The following TTC39B variants were observed in gnomAD, a reference collection of about 807,000 sequenced individuals.
TTC39B encodes the protein tetratricopeptide repeat domain 39B.
A neutral mutation model predicts 96.6 loss-of-function variants in TTC39B; 92 were observed. The observed-to-expected ratio is 0.95, with a 90% CI of 0.80 to 1.13. TTC39B has a LOEUF of 1.13. TTC39B is among the 50% of genes most tolerant of loss of function. TTC39B has a pLI of 0.00. For missense variants in TTC39B, 955 were observed against 809.3 expected (o/e 1.18, Z -2.18); for synonymous variants, 367 against 299.4 (o/e 1.23, Z -2.33).
intron 8 of TTC39B, among the ~76,000 whole-genome samples, chr9:15,193,202 C>T (rs1332318123): frequency 1.3e-5 from 2 of 152,202 alleles, no homozygotes; most frequent in Non-Finnish European, 2.9e-5. Flanking sequence ...ATCACAATGG[C>T]CCCATCTGTC....
chr9:15,293,893 C>G (rs752041557), intron 1 of TTC39B, among the ~76,000 whole-genome samples: 2 of 152,168 alleles, frequency 1.3e-5, no homozygotes, highest in African/African-American at 2.4e-5. Context: ...GGGCTGTAAC[C>G]AATCCAGCTG....
At chr9:15,251,961 A>G (rs992708281) in intron 2 of TTC39B, among the ~76,000 whole-genome samples, 2 of 152,072 alleles carry the variant, frequency 1.3e-5, no homozygotes, top group East Asian at 3.9e-4. Context: ...AGCAGAGCCC[A>G]CAAGGTCCCT....
intron 8 of TTC39B, among the ~76,000 whole-genome samples, chr9:15,196,907 C>T (rs540433259): frequency 1.3e-5 from 2 of 152,142 alleles, no homozygotes; most frequent in Non-Finnish European, 2.9e-5. Context: ...ATTGCCATAG[C>T]CACCCCAACC....
At chr9:15,200,210 T>C (rs575412515) in intron 7 of TTC39B, among the ~76,000 whole-genome samples, 17 of 152,258 alleles carry the variant, frequency 1.1e-4, no homozygotes, top group Non-Finnish European at 2.4e-4. Flanking sequence ...CCATATGCGG[T>C]CCAAATTATT....
At chr9:15,290,783 C>T (rs570382088) in intron 1 of TTC39B, among the ~76,000 whole-genome samples, 5 of 152,178 alleles carry the variant, frequency 3.3e-5, no homozygotes, top group Admixed American at 1.3e-4. Context: ...TTCCTGCTTT[C>T]CCCTTCTGCC....
intron 1 of TTC39B, among the ~76,000 whole-genome samples, chr9:15,272,594 G>A (rs1823397156): frequency 2.0e-5 from 3 of 152,146 alleles, no homozygotes; most frequent in Admixed American, 2.0e-4. Flanking sequence ...TGTAACAGAT[G>A]TTTTCATTGA....
At chr9:15,268,157 A>G (rs1823207893) in intron 1 of TTC39B, among the ~76,000 whole-genome samples, 1 of 151,872 alleles carries the variant, frequency 6.6e-6, no homozygotes, top group Non-Finnish European at 1.5e-5. Context: ...TTTTTTTTTT[A>G]ATAAGGCTGG....
At chr9:15,222,379 G>C (rs1184410987) in intron 3 of TTC39B, among the ~76,000 whole-genome samples, 1 of 152,126 alleles carries the variant, frequency 6.6e-6, no homozygotes, top group African/African-American at 2.4e-5. Flanking sequence ...AACCACACAG[G>C]TGTGGTTCAT....
chr9:15,299,911 G>T (rs917931437), intron 1 of TTC39B, among the ~76,000 whole-genome samples: 1 of 152,028 alleles, frequency 6.6e-6, no homozygotes, highest in Non-Finnish European at 1.5e-5. Flanking sequence ...GAAGGAAGTG[G>T]GTATCCAGGT....
At chr9:15,177,850 G>GA (rs1564311417) in intron 17 of TTC39B, 36 bp from the exon 18 acceptor site, 1 of 653,502 alleles carries the variant, frequency 1.5e-6, no homozygotes, top group East Asian at 3.3e-5. Flanking sequence ...AACACACAAA[G>GA]AAAAATACTT....
intron 2 of TTC39B, among the ~76,000 whole-genome samples, chr9:15,244,599 T>C (rs1355464649): frequency 1.3e-5 from 2 of 152,024 alleles, no homozygotes; most frequent in African/African-American, 4.8e-5. Context: ...TATAGAGGAG[T>C]ATAGTGGTGC....
chr9:15,166,631 A>G (rs1817521829), exon 20 of TTC39B: 1 of 152,120 alleles, frequency 6.6e-6, no homozygotes, highest in Non-Finnish European at 1.5e-5. Context: ...AACATTTCAA[A>G]ATAACTAAAT....
intron 1 of TTC39B, among the ~76,000 whole-genome samples, chr9:15,279,177 G>A (rs1210327562): frequency 6.6e-6 from 1 of 152,250 alleles, no homozygotes; most frequent in African/African-American, 2.4e-5. Flanking sequence ...GCAGTTGAAA[G>A]TCTCTGGTGT....
At chr9:15,289,848 T>A (rs2131600192) in intron 1 of TTC39B, among the ~76,000 whole-genome samples, 1 of 152,296 alleles carries the variant, frequency 6.6e-6, no homozygotes, top group Non-Finnish European at 1.5e-5. Context: ...AAAGTCATCA[T>A]CCATATGAAC....
intron 15 of TTC39B, among the ~76,000 whole-genome samples, chr9:15,186,058 A>T (rs1818507065): frequency 1.3e-5 from 2 of 152,174 alleles, no homozygotes; most frequent in South Asian, 4.1e-4. Flanking sequence ...GGATGGGGAG[A>T]CTACATGTTC....
In TTC39B at chr9:15,275,762, T is replaced by C. The variant is rs565784002; in HGVS notation, c.241-7814A>G. On this transcript the variant is annotated intron_variant, in intron 1 of 19. Transcript: ENST00000512701. ...TTTACTACAGTCATGTTGTCTACAG[T>C]TGAGAGAACAATAATGCCCACAGAG... Among the ~76,000 whole-genome samples, 5 of 152,180 alleles carry C rather than the reference T, an allele frequency of 3.3e-5. No individual in the cohort carries two copies. In the South Asian group the frequency reaches 8.3e-4, roughly 25 times the overall value.
chr9:15,178,760 C>T (rs1267569695), intron 17 of TTC39B, among the ~76,000 whole-genome samples: 1 of 152,120 alleles, frequency 6.6e-6, no homozygotes, highest in Non-Finnish European at 1.5e-5. Context: ...AAAGGTAAAG[C>T]CATGAGGAAC....
chr9:15,173,540 T>C (rs1349611558), intron 19 of TTC39B, among the ~76,000 whole-genome samples: 1 of 152,190 alleles, frequency 6.6e-6, no homozygotes, highest in Non-Finnish European at 1.5e-5. Context: ...TAACTGACCA[T>C]GCTCTTCTTT....
chr9:15,218,577 G>A (rs534087600), intron 3 of TTC39B, among the ~76,000 whole-genome samples: 4 of 141,402 alleles, frequency 2.8e-5, no homozygotes, highest in South Asian at 2.2e-4. Context: ...GACTCCTCAT[G>A]TTTCTAATTT....
Sources: gnomAD v4.1 joint callset for allele counts (sites outside exome capture counted in the v4.1 genomes callset) on GRCh38, gnomAD v4.1.1 for gene constraint, MANE v1.5 for transcripts, NCBI Gene and HGNC (gene_info 2026-07-23, HGNC 2026-07-21) for gene names.